The following C6 variants were observed in gnomAD, a reference collection of about 807,000 sequenced individuals.
C6 encodes the protein complement C6.
C6 carries 101 observed loss-of-function variants against 112.9 expected under a neutral mutation model. The observed-to-expected ratio is 0.89, with a 90% CI of 0.76 to 1.06. C6 has a LOEUF of 1.06. C6 is among the 50% of genes least tolerant of loss of function. C6 has a pLI of 0.00. For synonymous variants in C6, 431 were observed against 384.1 expected, an observed-to-expected ratio of 1.12 and a Z score of -1.43; for missense variants, 1,202 against 1,104.6, an observed-to-expected ratio of 1.09 and a Z score of -1.25.
chr5:41,231,851 T>A (rs1186774266), intron 1 of C6, among the ~76,000 whole-genome samples: 1 of 151,926 alleles, frequency 6.6e-6, no homozygotes, highest in African/African-American at 2.4e-5. Flanking sequence ...AATAATTTTC[T>A]TTAATATAAG....
chr5:41,233,862 T>A (rs991087289), intron 1 of C6, among the ~76,000 whole-genome samples: 5 of 152,104 alleles, frequency 3.3e-5, no homozygotes, highest in African/African-American at 1.2e-4. Flanking sequence ...ATATTTACAG[T>A]TTATTTAGTT....
At position 41,142,503 on chromosome 5, in the gene C6, G is replaced by T. The variant is rs1745443139; in HGVS notation, c.*322C>A. ...ATGGGTTTTATTCTTATTTCTAATT[G>T]CGAGAATGCTTAATGTCACAGGCTA... On this transcript the variant is annotated 3_prime_UTR_variant, in exon 18 of 18. Transcript: ENST00000337836. The T allele has an allele frequency of 1.9e-5, 6 of 321,434 alleles. No individual in the cohort carries two copies. Among genetic ancestry groups the T allele is most frequent in the Middle Eastern group, 9.5e-4 (1 of 1,050 alleles). 19.9% of individuals were successfully genotyped at this position (321,434 alleles called of 1,614,324 possible). A position where few individuals can be genotyped will look rare whatever the true frequency, so the allele number is the denominator to read the frequency against.
intron 9 of C6, among the ~76,000 whole-genome samples, chr5:41,167,229 G>C (rs559135505): frequency 6.6e-6 from 1 of 152,076 alleles, no homozygotes; most frequent in South Asian, 2.1e-4. Flanking sequence ...AGATTTGAAG[G>C]CTAGGGTTTT....
rs1354015475 is a variant in C6, at chr5:41,160,246, G to T, written c.1580C>A (p.Pro527His). Residue 527 changes from proline to histidine, a missense_variant, in exon 11 of 18, where the codon CCT becomes CAT. Pro to His is a moderately conservative substitution (Grantham distance 77, BLOSUM62 -2). Transcript: ENST00000337836. ...KFDPCQCAPC[P>H]NNGRPTLSGT... is the part of the protein sequence containing the mutation. Reference sequence around the variant, plus strand: ...TGAGAGGGTGGGTCGGCCATTATTAGGGCATGGAGCACACTGGCAAGGATC... The same window carrying T: ...TGAGAGGGTGGGTCGGCCATTATTATGGCATGGAGCACACTGGCAAGGATC... The T allele has an allele frequency of 6.2e-7, 1 of 1,613,878 alleles. No individual in the cohort carries two copies. The highest frequency in any genetic ancestry group is 1.1e-5 in the South Asian group (1 of 91,078).
chr5:41,246,141 C>T (rs1224258294), intron 1 of C6, among the ~76,000 whole-genome samples: 1 of 152,148 alleles, frequency 6.6e-6, no homozygotes, highest in Admixed American at 6.5e-5. Context: ...GCCTCCTTTT[C>T]GGCAAGCCAT....
At chr5:41,169,551 T>G (rs1208647692) in intron 9 of C6, among the ~76,000 whole-genome samples, 1 of 152,104 alleles carries the variant, frequency 6.6e-6, no homozygotes, top group African/African-American at 2.4e-5. Context: ...GACTGGGTAA[T>G]TTATAAAGAA....
In C6 at chr5:41,176,670, A is replaced by G; in HGVS notation, c.973T>C (p.Phe325Leu). The change falls in exon 8 of 18, where the codon TTC becomes CTC. Residue 325 changes from phenylalanine (F) to leucine (L), a missense_variant. By Grantham distance (22) the Phe-to-Leu change is conservative (BLOSUM62 0). Coordinates refer to ENST00000337836, the MANE Select transcript of C6 (RefSeq NM_000065.5). ...TGCAGATCTTTAGCTTTCGTTGTGA[A>G]GTTTAAGACTTTCATCACTTTATGG... ...RIHKVMKVLN[F>L]TTKAKDLHLS... The G allele has an allele frequency of 1.2e-6, 2 of 1,613,324 alleles. No individual in the cohort carries two copies. The highest frequency in any genetic ancestry group is 1.7e-6 in the Non-Finnish European group (2 of 1,179,460).
At position 41,199,790 on chromosome 5, in the gene C6, C is replaced by T. The variant is rs778355460; in HGVS notation, c.423G>A (p.Lys141=). 6.2e-7 allele frequency: 1 copy of T among 1,613,752 alleles called. No individual in the cohort carries two copies. The highest frequency in any genetic ancestry group is 8.5e-7 in the Non-Finnish European group (1 of 1,179,720). Reference sequence around the variant, plus strand: ...TACCACTGTCACAGCGAAATTTATTCTTGCAGTCAGCCTCTTCAATTTTGC... The same window carrying T: ...TACCACTGTCACAGCGAAATTTATTTTTGCAGTCAGCCTCTTCAATTTTGC... The part of the protein sequence containing the change: ...KLCKIEEADC[K]NKFRCDSGRC... Residue 141 remains lysine (K), a synonymous_variant, in exon 4 of 18, where the codon AAG becomes AAA. Coordinates refer to ENST00000337836, the MANE Select transcript of C6 (RefSeq NM_000065.5).
At position 41,213,435 on chromosome 5, in the gene C6, G is replaced by T. The variant is rs530742500; in HGVS notation, c.-80C>A. The T allele has an allele frequency of 1.1e-4, 109 of 985,316 alleles. 1 individual carries two copies. The African/African-American group carries it at 1.7e-3, about 15-fold the overall frequency. The allele number at this position is 985,316 out of a possible 1,614,324, so 61.0% of individuals were successfully genotyped here. A position where few individuals can be genotyped will look rare whatever the true frequency, so the allele number is the denominator to read the frequency against. On this transcript the variant is annotated 5_prime_UTR_variant, in exon 1 of 18. Transcript: ENST00000337836. ...GCTGCAAATTATTGGGGAAAAAATAGGTATGCAGAATGAAGAGGGTATATA... is the reference window on the plus strand; with the variant it reads ...GCTGCAAATTATTGGGGAAAAAATATGTATGCAGAATGAAGAGGGTATATA...
intron 5 of C6, among the ~76,000 whole-genome samples, chr5:41,190,879 T>G (rs935557915): frequency 2.4e-4 from 37 of 152,124 alleles, no homozygotes; most frequent in Admixed American, 2.3e-3. Context: ...CAGTGCATGA[T>G]CTTGGCACCT....
chr5:41,202,986 T>C, intron 2 of C6, 102 bp downstream of exon 2: 4 of 1,088,284 alleles, frequency 3.7e-6, no homozygotes, highest in Non-Finnish European at 4.3e-6. Flanking sequence ...CTTACTTTGA[T>C]ATATATATGT....
intron 5 of C6, among the ~76,000 whole-genome samples, chr5:41,190,602 C>T (rs1017562565): frequency 6.6e-6 from 1 of 152,098 alleles, no homozygotes; most frequent in Non-Finnish European, 1.5e-5. Flanking sequence ...GTACAAAAAG[C>T]TTTTTAGTTT....
At chr5:41,181,070 G>A (rs1749292304) in intron 7 of C6, among the ~76,000 whole-genome samples, 1 of 151,590 alleles carries the variant, frequency 6.6e-6, no homozygotes, top group African/African-American at 2.4e-5. Flanking sequence ...AAAGGTCAAA[G>A]TTCTGTTGTA....
Position 41,156,277 on chromosome 5 carries a change from A to G in C6, c.1969-1173T>C, listed in dbSNP as rs111785561. The stretch of plus-strand genomic sequence containing the variant: ...TCCCTTCTCTCAAGACCCAGCTCAA[A>G]TAGAACATCCTTTGCAAAAATCTTT... On this transcript the variant is annotated intron_variant, in intron 13 of 17. Coordinates refer to ENST00000337836, the MANE Select transcript of C6 (RefSeq NM_000065.5). 3.9e-5 allele frequency among the ~76,000 whole-genome samples: 6 copies of G among 152,242 alleles called. 1 individual carries two copies. The highest frequency in any genetic ancestry group is 1.4e-4 in the African/African-American group (6 of 41,558).
chr5:41,203,585 A>ACCGAGAT, intron 1 of C6: 1 of 276,624 alleles, frequency 3.6e-6, no homozygotes, highest in South Asian at 3.8e-5. Flanking sequence ...TACCCTTCTC[A>ACCGAGAT]AAACACCTGC....
rs577274837 is a variant in C6 at position 41,203,117 on chromosome 5, A to G, written c.114T>C (p.Thr38=). The change falls in exon 2 of 18, where the codon ACT becomes ACC. Residue 38 remains threonine, a synonymous_variant. Transcript: ENST00000337836. ...AWTQWTSCSK[T]CNSGTQSRHR... ...GTCTGCTCTGGGTTCCAGAATTGCA[A>G]GTTTTTGAGCAGCTGGTCCACTGAG... The G allele has an allele frequency of 6.2e-7, 1 of 1,614,054 alleles. No homozygotes were observed. The highest frequency in any genetic ancestry group is 1.7e-5 in the Admixed American group (1 of 60,014).
intron 6 of C6, among the ~76,000 whole-genome samples, chr5:41,184,414 T>C (rs568404860): frequency 2.8e-4 from 43 of 152,332 alleles, no homozygotes; most frequent in Non-Finnish European, 5.7e-4. Flanking sequence ...CTGTGCCATT[T>C]ATTTGCTGTA....
intron 6 of C6, 66 bp from the exon 7 acceptor site, chr5:41,181,625 A>G: frequency 7.9e-7 from 1 of 1,262,720 alleles, no homozygotes; most frequent in Non-Finnish European, 1.1e-6. Flanking sequence ...GTGGATATCT[A>G]ATGAAATGAT....
At chr5:41,258,258 G>A (rs1741839717) in intron 1 of C6, among the ~76,000 whole-genome samples, 1 of 152,112 alleles carries the variant, frequency 6.6e-6, no homozygotes, top group Non-Finnish European at 1.5e-5. Flanking sequence ...AAAATTCAAA[G>A]GTGACTTGTG....
Sources: gnomAD v4.1 joint callset for allele counts (sites outside exome capture counted in the v4.1 genomes callset) on GRCh38, gnomAD v4.1.1 for gene constraint, MANE v1.5 for transcripts, NCBI Gene and HGNC (gene_info 2026-07-23, HGNC 2026-07-21) for gene names.